CSGALNACT2: variants seen among roughly 807,000 people sequenced by gnomAD.
CSGALNACT2 encodes the protein beta 4 GalNAcT-2.
A neutral mutation model predicts 55.3 loss-of-function variants in CSGALNACT2; 35 were observed. The observed-to-expected ratio is 0.63, with a 90% confidence interval of 0.48 to 0.84. The LOEUF (loss-of-function observed/expected upper bound fraction) is 0.84, where lower values mean the gene tolerates loss of function less well. Ranked by LOEUF, CSGALNACT2 falls within the 40% of genes least tolerant of loss-of-function variation. The pLI is 0.00. For synonymous variants in CSGALNACT2, 196 were observed against 224.9 expected, an observed-to-expected ratio of 0.87 and a Z score of 1.15; for missense variants, 544 against 657.5, an observed-to-expected ratio of 0.83 and a Z score of 1.89.
At chr10:43,173,125 A>C (rs1047918006) in intron 6 of CSGALNACT2, among the ~76,000 whole-genome samples, 2 of 152,242 alleles carry the variant, frequency 1.3e-5, no homozygotes, top group Admixed American at 6.5e-5. Context: ...CACAGTAGAC[A>C]AGGGGAGATG....
chr10:43,153,649 A>G (rs1215110330), intron 1 of CSGALNACT2, among the ~76,000 whole-genome samples: 2 of 152,188 alleles, frequency 1.3e-5, no homozygotes, highest in Non-Finnish European at 2.9e-5. Flanking sequence ...ACCTGCTGTC[A>G]TATCACATTA....
chr10:43,155,135 T>C lies in CSGALNACT2; in HGVS notation c.-15T>C, dbSNP rs1266134422. The C allele has an allele frequency of 2.5e-6, 4 of 1,599,170 alleles. No homozygotes were observed. In the East Asian group the frequency reaches 6.7e-5, roughly 27 times the overall value. On this transcript the variant is annotated 5_prime_UTR_variant, in exon 2 of 8. Coordinates refer to ENST00000374466, the MANE Select transcript of CSGALNACT2 (RefSeq NM_018590.5). ...CAAAGAGCTTATTTTGTTAGGCAAATACACATTAATAAGAATGCCTAGAAG... is the reference window on the plus strand; with the variant it reads ...CAAAGAGCTTATTTTGTTAGGCAAACACACATTAATAAGAATGCCTAGAAG...
chr10:43,149,860 G>A (rs998326128), intron 1 of CSGALNACT2, among the ~76,000 whole-genome samples: 5 of 152,164 alleles, frequency 3.3e-5, no homozygotes, highest in African/African-American at 1.2e-4. Flanking sequence ...CTGAGGTCGA[G>A]AGTTCAAGAC....
chr10:43,181,649 G>A (rs1839590557), intron 7 of CSGALNACT2, among the ~76,000 whole-genome samples: 2 of 151,096 alleles, frequency 1.3e-5, no homozygotes, highest in Non-Finnish European at 2.9e-5. Context: ...ATGGTGGCTC[G>A]AACTTGTGGT....
In CSGALNACT2 at chr10:43,177,408, A is replaced by G. The variant is rs536926721; in HGVS notation, c.1336+1376A>G. On this transcript the variant is annotated intron_variant, in intron 7 of 7. Coordinates refer to ENST00000374466, the MANE Select transcript of CSGALNACT2 (RefSeq NM_018590.5). ...AAAAGAAATCCCATACCCATTAACA[A>G]TCACTCCTCACATCCTACCAACCCT... Among the ~76,000 whole-genome samples, 11 of 152,210 alleles carry G rather than the reference A, an allele frequency of 7.2e-5. 1 individual carries two copies. The South Asian group carries it at 1.9e-3, about 26-fold the overall frequency.
At chr10:43,172,042 G>A (rs565200141) in intron 6 of CSGALNACT2, among the ~76,000 whole-genome samples, 6 of 152,296 alleles carry the variant, frequency 3.9e-5, no homozygotes, top group South Asian at 2.1e-4. Flanking sequence ...GAGCTCCTCC[G>A]TCGCTTCTGT....
At position 43,184,477 on chromosome 10, in the gene CSGALNACT2, C is replaced by G. The variant is rs924467953; in HGVS notation, c.*935C>G. 6.6e-6 allele frequency: 1 copy of G among 152,046 alleles called. No individual in the cohort carries two copies. Among genetic ancestry groups the G allele is most frequent in the Non-Finnish European group, 1.5e-5 (1 of 68,008 alleles). 9.4% of individuals were successfully genotyped at this position (152,046 alleles called of 1,614,324 possible). On this transcript the variant is annotated 3_prime_UTR_variant, in exon 8 of 8. Coordinates refer to ENST00000374466, the MANE Select transcript of CSGALNACT2 (RefSeq NM_018590.5). ...TCCATATGTATTTACTATCCTTTTT[C>G]TAATATATTAATATATGCTACATTT...
At chr10:43,139,236 C>T (rs1303309172) in intron 1 of CSGALNACT2, among the ~76,000 whole-genome samples, 1 of 152,138 alleles carries the variant, frequency 6.6e-6, no homozygotes, top group Non-Finnish European at 1.5e-5. Flanking sequence ...GGAGCAGGGC[C>T]TTCATGTCTG....
At chr10:43,158,536 C>T (rs75241132) in intron 2 of CSGALNACT2, among the ~76,000 whole-genome samples, 179 bp from the exon 3 acceptor site, 6,663 of 151,796 alleles carry the variant, frequency 0.044, 181 homozygotes, top group South Asian at 0.089. Context: ...TTTTTTTTAA[C>T]CTTTTCTTTT....
chr10:43,139,461 A>G (rs1051717802), intron 1 of CSGALNACT2, among the ~76,000 whole-genome samples: 1 of 152,246 alleles, frequency 6.6e-6, no homozygotes, highest in Non-Finnish European at 1.5e-5. Context: ...ACACAGTTCC[A>G]ACCAGTTTAG....
chr10:43,154,494 G>A (rs1290772600), intron 1 of CSGALNACT2, among the ~76,000 whole-genome samples: 1 of 152,174 alleles, frequency 6.6e-6, no homozygotes, highest in East Asian at 1.9e-4. Context: ...AGCACTTTGG[G>A]AGGCCAAGAC....
chr10:43,163,215 T>C (rs1839189890), intron 4 of CSGALNACT2: 1 of 984,816 alleles, frequency 1.0e-6, no homozygotes, highest in Admixed American at 6.1e-5. Context: ...ACTCCAGACA[T>C]GAGCGATGTA....
At chr10:43,149,756 T>C (rs1838836179) in intron 1 of CSGALNACT2, among the ~76,000 whole-genome samples, 1 of 152,164 alleles carries the variant, frequency 6.6e-6, no homozygotes, top group Non-Finnish European at 1.5e-5. Context: ...TCTTATTTAA[T>C]AATAATAATT....
At chr10:43,150,305 A>G (rs1838848836) in intron 1 of CSGALNACT2, among the ~76,000 whole-genome samples, 1 of 152,200 alleles carries the variant, frequency 6.6e-6, no homozygotes, top group South Asian at 2.1e-4. Context: ...AATGAGCAAA[A>G]ATCTTAGTTA....
At chr10:43,165,240 TAAAG>T (rs962659888) in intron 5 of CSGALNACT2, among the ~76,000 whole-genome samples, 4 of 151,970 alleles carry the variant, frequency 2.6e-5, no homozygotes, top group South Asian at 4.1e-4. Context: ...AAAAAAGTAT[TAAAG>T]AATCTCAACA....
At chr10:43,163,446 T>G in intron 4 of CSGALNACT2, 3 of 887,468 alleles carry the variant, frequency 3.4e-6, no homozygotes, top group Non-Finnish European at 4.1e-6. Flanking sequence ...TCAAGTAGTA[T>G]TAGGGAGGAT....
At chr10:43,179,374 T>C (rs1374368393) in intron 7 of CSGALNACT2, among the ~76,000 whole-genome samples, 1 of 151,730 alleles carries the variant, frequency 6.6e-6, no homozygotes, top group Non-Finnish European at 1.5e-5. Context: ...GATTTCCCTC[T>C]ACCACCACGG....
At chr10:43,155,882 T>C (rs1285770825) in intron 2 of CSGALNACT2, 72 bp downstream of exon 2, 1 of 1,230,838 alleles carries the variant, frequency 8.1e-7, no homozygotes, top group East Asian at 2.4e-5. Flanking sequence ...TGGTATTGTA[T>C]TGTAGTATTG....
At chr10:43,160,669 G>A in intron 4 of CSGALNACT2, 74 bp downstream of exon 4, 2 of 745,310 alleles carry the variant, frequency 2.7e-6, no homozygotes, top group East Asian at 2.6e-5. Context: ...TATGTAATGA[G>A]TTAATAATTT....
Sources: gnomAD v4.1 joint callset for allele counts (sites outside exome capture counted in the v4.1 genomes callset) on GRCh38, gnomAD v4.1.1 for gene constraint, MANE v1.5 for transcripts, NCBI Gene and HGNC (gene_info 2026-07-23, HGNC 2026-07-21) for gene names.